The following NDST4 variants were observed in gnomAD, a reference collection of about 807,000 sequenced individuals.
NDST4 encodes the protein N-heparan sulfate sulfotransferase 4.
NDST4 carries 63 observed loss-of-function variants against 100.8 expected under a neutral mutation model. The ratio of observed to expected loss-of-function variants is 0.62; its 90% CI spans 0.51 to 0.77. NDST4 has a LOEUF of 0.77. NDST4 is among the 30% of genes least tolerant of loss of function. The pLI, the probability that NDST4 is intolerant of heterozygous loss-of-function variation, is 0.00. For missense variants in NDST4, 943 were observed against 1,018.4 expected, an observed-to-expected ratio of 0.93 and a Z score of 1.01; for synonymous variants, 377 against 361.8, an observed-to-expected ratio of 1.04 and a Z score of -0.48.
At chr4:114,935,530 T>TA (rs56684351) in intron 5 of NDST4, among the ~76,000 whole-genome samples, 196 bp from the exon 6 acceptor site, 23,438 of 152,020 alleles carry the variant, frequency 0.15, 2,677 homozygotes, top group African/African-American at 0.32. Flanking sequence ...ATCAAAGGCA[T>TA]AAAAAATATA....
At chr4:115,034,179 C>CA (rs926543944) in intron 2 of NDST4, among the ~76,000 whole-genome samples, 49 of 152,012 alleles carry the variant, frequency 3.2e-4, no homozygotes, top group African/African-American at 1.0e-3. Flanking sequence ...CCTGCTGGCT[C>CA]AAAAAAATAT....
chr4:115,016,708 G>A (rs1727685274), intron 2 of NDST4, among the ~76,000 whole-genome samples: 1 of 152,046 alleles, frequency 6.6e-6, no homozygotes, highest in African/African-American at 2.4e-5. Flanking sequence ...ATACCTTAGG[G>A]CATCTTGTAG....
chr4:114,888,485 C>G (rs1490348215), intron 6 of NDST4, among the ~76,000 whole-genome samples: 1 of 152,150 alleles, frequency 6.6e-6, no homozygotes, highest in Non-Finnish European at 1.5e-5. Flanking sequence ...CCCAAAGTAG[C>G]TCTTATATGC....
At chr4:115,068,578 G>A (rs564862547) in intron 2 of NDST4, among the ~76,000 whole-genome samples, 59 of 151,510 alleles carry the variant, frequency 3.9e-4, no homozygotes, top group African/African-American at 1.3e-3. Context: ...GGAGGCTGAG[G>A]AGGGCAGATC....
At chr4:114,907,954 T>C (rs911512079) in intron 6 of NDST4, among the ~76,000 whole-genome samples, 2 of 152,188 alleles carry the variant, frequency 1.3e-5, no homozygotes, top group African/African-American at 4.8e-5. Context: ...CTGAGAAGTT[T>C]AGACTTTCTC....
At chr4:114,835,457 T>C (rs991669253) in intron 11 of NDST4, among the ~76,000 whole-genome samples, 10 of 152,230 alleles carry the variant, frequency 6.6e-5, no homozygotes, top group Non-Finnish European at 1.2e-4. Flanking sequence ...TGAGTTCTAA[T>C]TTGATTGCAC....
At chr4:114,929,213 A>T (rs540726394) in intron 6 of NDST4, among the ~76,000 whole-genome samples, 39 of 152,042 alleles carry the variant, frequency 2.6e-4, no homozygotes, top group African/African-American at 9.4e-4. Context: ...CGTCTAAGAC[A>T]TCTGATAACT....
rs148981699 is a variant in NDST4, at chr4:114,835,421, G to A, written c.2287-1706C>T. ...GGTTGCTCAGTTTCCGTGTAGTTGT[G>A]CGGTTTTGAGTGAGTTTCTTAATCC... On this transcript the variant is annotated intron_variant, in intron 11 of 13. Transcript: ENST00000264363. Among the ~76,000 whole-genome samples the A allele has an allele frequency of 8.2e-3, 1,251 of 152,304 alleles. 14 individuals carry two copies. Among genetic ancestry groups the A allele is most frequent in the Admixed American group, 0.02 (304 of 15,292 alleles).
chr4:114,940,100 C>T (rs942235388), intron 4 of NDST4, among the ~76,000 whole-genome samples: 32 of 152,264 alleles, frequency 2.1e-4, no homozygotes, highest in African/African-American at 7.7e-4. Context: ...GCACTTGAGA[C>T]TCTATAAATA....
At chr4:114,905,732 T>C (rs1724935767) in intron 6 of NDST4, among the ~76,000 whole-genome samples, 1 of 152,024 alleles carries the variant, frequency 6.6e-6, no homozygotes, top group South Asian at 2.1e-4. Context: ...TTTTGAATGA[T>C]AAACAGCACA....
intron 2 of NDST4, among the ~76,000 whole-genome samples, chr4:115,035,394 T>A (rs542623674): frequency 8.6e-5 from 13 of 152,024 alleles, no homozygotes; most frequent in Non-Finnish European, 1.5e-5. Flanking sequence ...ATAGTTGAAG[T>A]AGTGGGTAAA....
intron 6 of NDST4, among the ~76,000 whole-genome samples, chr4:114,892,396 T>C (rs1186644976): frequency 1.3e-5 from 2 of 152,162 alleles, no homozygotes; most frequent in African/African-American, 2.4e-5. Context: ...TAAAAATTGT[T>C]TCTATTAGCC....
At chr4:115,031,336 G>T (rs746369347) in intron 2 of NDST4, among the ~76,000 whole-genome samples, 8 of 152,030 alleles carry the variant, frequency 5.3e-5, no homozygotes, top group Non-Finnish European at 7.4e-5. Context: ...ATAATGCCTG[G>T]CTTGAGTAAA....
At chr4:115,057,735 GACACACACACAC>G (rs35061218) in intron 2 of NDST4, among the ~76,000 whole-genome samples, 4 of 141,648 alleles carry the variant, frequency 2.8e-5, no homozygotes, top group Non-Finnish European at 6.2e-5. Flanking sequence ...CACACACACA[GACACACACACAC>G]ACACACACAC....
chr4:115,110,234 T>C (rs1292637250), intron 1 of NDST4, among the ~76,000 whole-genome samples: 2 of 151,960 alleles, frequency 1.3e-5, no homozygotes, highest in Non-Finnish European at 2.9e-5. Flanking sequence ...CTTCTTAAGC[T>C]TGCTGAAAAT....
intron 6 of NDST4, among the ~76,000 whole-genome samples, chr4:114,916,536 C>CTGTGTGTGTGTGTG (rs537961796): frequency 5.4e-5 from 7 of 129,110 alleles, no homozygotes; most frequent in African/African-American, 1.8e-4. Context: ...CTGGTAGGCT[C>CTGTGTGTGTGTGTG]TGTGTGTGTG....
At chr4:114,933,582 A>G (rs1725563213) in intron 6 of NDST4, among the ~76,000 whole-genome samples, 1 of 151,992 alleles carries the variant, frequency 6.6e-6, no homozygotes, top group Non-Finnish European at 1.5e-5. Context: ...ATGGAATGAG[A>G]GAAAATATTT....
chr4:114,936,526 A>G (rs1265507282), intron 5 of NDST4, among the ~76,000 whole-genome samples: 1 of 152,200 alleles, frequency 6.6e-6, no homozygotes, highest in Non-Finnish European at 1.5e-5. Flanking sequence ...AATGAGTAAG[A>G]ACAGTTTGTA....
intron 4 of NDST4, among the ~76,000 whole-genome samples, chr4:114,947,704 C>T (rs916826989): frequency 1.3e-5 from 2 of 148,550 alleles, no homozygotes; most frequent in Non-Finnish European, 2.9e-5. Context: ...TTGCTTAATT[C>T]AAATCATACA....
Sources: allele counts gnomAD v4.1 joint callset (sites outside exome capture counted in the v4.1 genomes callset), GRCh38; gene constraint gnomAD v4.1.1; transcripts MANE v1.5; gene names NCBI Gene and HGNC (gene_info 2026-07-23, HGNC 2026-07-21).